Variants in GOLPH3L observed in about 807,000 individuals in gnomAD.
The protein encoded by GOLPH3L is golgi phosphoprotein 3 like, also known as Golgi phosphoprotein 3-like.
A neutral mutation model predicts 30.3 loss-of-function variants in GOLPH3L; 22 were observed. The observed-to-expected ratio is 0.73, with a 90% CI of 0.52 to 1.04. The LOEUF is 1.04. Among genes scored for constraint, GOLPH3L ranks in the 50% least tolerant of loss-of-function variants. The pLI is 0.00. For synonymous variants in GOLPH3L, 120 were observed against 128.2 expected, an observed-to-expected ratio of 0.94 and a Z score of 0.43; for missense variants, 303 against 345.8, an observed-to-expected ratio of 0.88 and a Z score of 0.98.
intron 2 of GOLPH3L, among the ~76,000 whole-genome samples, chr1:150,693,322 G>C (rs1278702616): frequency 2.0e-5 from 3 of 152,162 alleles, no homozygotes; most frequent in African/African-American, 4.8e-5. Flanking sequence ...TAGAAAAGAA[G>C]AGCTGTTACT....
At chr1:150,684,659 T>C (rs1318696113) in intron 2 of GOLPH3L, among the ~76,000 whole-genome samples, 1 of 152,086 alleles carries the variant, frequency 6.6e-6, no homozygotes, top group Non-Finnish European at 1.5e-5. Flanking sequence ...CTAGACCTTC[T>C]GATGTGATTA....
intron 2 of GOLPH3L, among the ~76,000 whole-genome samples, chr1:150,667,921 C>T (rs1230174408): frequency 6.6e-6 from 1 of 152,030 alleles, no homozygotes; most frequent in Non-Finnish European, 1.5e-5. Context: ...GCCTCTTTCC[C>T]CTATTGGCCT....
intron 2 of GOLPH3L, chr1:150,694,111 G>A (rs587730062): frequency 1.6e-5 from 7 of 430,422 alleles, no homozygotes; most frequent in Non-Finnish European, 3.3e-5. Context: ...CACTCACCTC[G>A]GCTCCCCAAA....
chr1:150,682,623 C>CA (rs145118551), intron 2 of GOLPH3L, among the ~76,000 whole-genome samples: 812 of 50,312 alleles, frequency 0.016, 95 homozygotes, highest in African/African-American at 0.059. Context: ...GACTCTTTCT[C>CA]AAAAAAAAAA....
intron 2 of GOLPH3L, among the ~76,000 whole-genome samples, chr1:150,681,481 TATAAA>T (rs1650945995): frequency 6.6e-6 from 1 of 152,072 alleles, no homozygotes; most frequent in Admixed American, 6.6e-5. Context: ...GGCAGGAATA[TATAAA>T]ATAGACAAAT....
intron 2 of GOLPH3L, among the ~76,000 whole-genome samples, chr1:150,667,598 T>C (rs1421064221): frequency 1.7e-5 from 1 of 57,816 alleles, no homozygotes; most frequent in Non-Finnish European, 4.2e-5. Flanking sequence ...TTTCTTTCTT[T>C]TTTTTTTTTT....
intron 2 of GOLPH3L, among the ~76,000 whole-genome samples, chr1:150,689,716 C>G (rs1651166254): frequency 1.3e-5 from 2 of 152,076 alleles, no homozygotes. Flanking sequence ...GTGACCTTGG[C>G]TCATTGCAGC....
chr1:150,693,158 T>C (rs587647601), intron 2 of GOLPH3L, among the ~76,000 whole-genome samples: 4 of 152,322 alleles, frequency 2.6e-5, no homozygotes, highest in African/African-American at 9.6e-5. Flanking sequence ...TAAGCATGTC[T>C]CTAATATTAG....
chr1:150,658,505 G>T (rs1209396446), intron 4 of GOLPH3L, among the ~76,000 whole-genome samples: 2 of 152,162 alleles, frequency 1.3e-5, no homozygotes, highest in Non-Finnish European at 2.9e-5. Flanking sequence ...TATAGTTGAG[G>T]CATACCACCC....
At chr1:150,695,245 T>C (rs1377102463) in intron 1 of GOLPH3L, among the ~76,000 whole-genome samples, 3 of 152,204 alleles carry the variant, frequency 2.0e-5, no homozygotes, top group East Asian at 1.9e-4. Flanking sequence ...CAAGTGATTC[T>C]TGTGCCTCAG....
At chr1:150,666,096 T>G (rs10788792) in intron 2 of GOLPH3L, among the ~76,000 whole-genome samples, 57,223 of 151,902 alleles carry the variant, frequency 0.38, 11,038 homozygotes, top group South Asian at 0.54. Flanking sequence ...TTTTGGTGTT[T>G]TGCAGTTTTA....
At chr1:150,660,635 A>G (rs1650347060) in intron 4 of GOLPH3L, among the ~76,000 whole-genome samples, 1 of 152,276 alleles carries the variant, frequency 6.6e-6, no homozygotes, top group East Asian at 1.9e-4. Context: ...ATGCTGTGAC[A>G]TGAATGGACC....
chr1:150,672,472 C>A (rs1345083564), intron 2 of GOLPH3L, among the ~76,000 whole-genome samples: 1 of 152,194 alleles, frequency 6.6e-6, no homozygotes, highest in Non-Finnish European at 1.5e-5. Context: ...AATCTATCGC[C>A]CAGGCTGGAG....
At position 150,648,295 on chromosome 1, in the gene GOLPH3L, G is replaced by A. The variant is rs1650027645; in HGVS notation, c.*26C>T. The A allele has an allele frequency of 1.3e-6, 2 of 1,529,416 alleles. No homozygotes were observed. The highest frequency in any genetic ancestry group is 1.4e-5 in the African/African-American group (1 of 72,854). The allele number at this position is 1,529,416 out of a possible 1,614,324, so 94.7% of individuals were successfully genotyped here. The stretch of plus-strand genomic sequence containing the variant: ...CTCTGACAGTCACCAGCCAGCAGGG[G>A]AAAAGGAGAAATCCACCTGCCGGCT... On this transcript the variant is annotated 3_prime_UTR_variant, in exon 5 of 5. Transcript: ENST00000271732.
intron 2 of GOLPH3L, among the ~76,000 whole-genome samples, chr1:150,683,275 G>A (rs761646595): frequency 1.3e-5 from 2 of 152,006 alleles, no homozygotes; most frequent in Admixed American, 6.6e-5. Context: ...GGTGGCTCAC[G>A]CCTGTAATCC....
chr1:150,655,603 G>C (rs964452534), intron 4 of GOLPH3L, among the ~76,000 whole-genome samples: 3 of 152,136 alleles, frequency 2.0e-5, no homozygotes, highest in Admixed American at 6.6e-5. Flanking sequence ...AGCCTCCAGA[G>C]CCTATACCTT....
chr1:150,664,846 C>G (rs1650457399), intron 2 of GOLPH3L, among the ~76,000 whole-genome samples: 1 of 152,132 alleles, frequency 6.6e-6, no homozygotes, highest in Non-Finnish European at 1.5e-5. Flanking sequence ...ACATTGTCCT[C>G]ATCTATAAAA....
chr1:150,675,313 TAC>T (rs1174223501), intron 2 of GOLPH3L, among the ~76,000 whole-genome samples: 1 of 151,916 alleles, frequency 6.6e-6, no homozygotes, highest in Non-Finnish European at 1.5e-5. Context: ...TACTAGCATA[TAC>T]ACATTGTAGA....
At chr1:150,659,921 GTTACT>G (rs1211065615) in intron 4 of GOLPH3L, among the ~76,000 whole-genome samples, 3 of 152,030 alleles carry the variant, frequency 2.0e-5, no homozygotes, top group African/African-American at 7.2e-5. Flanking sequence ...CATAGTCCCA[GTTACT>G]TGGGAGGCTG....
Sources: gnomAD v4.1 joint callset for allele counts (sites outside exome capture counted in the v4.1 genomes callset) on GRCh38, gnomAD v4.1.1 for gene constraint, MANE v1.5 for transcripts, NCBI Gene and HGNC (gene_info 2026-07-23, HGNC 2026-07-21) for gene names.